The following C12orf42 variants were observed in gnomAD, a reference collection of about 807,000 sequenced individuals.
The protein encoded by C12orf42 is uncharacterized protein C12orf42.
A neutral mutation model predicts 21.6 loss-of-function variants in C12orf42; 25 were observed. That is an observed-to-expected ratio of 1.16 (90% CI 0.84 to 1.62). The LOEUF (loss-of-function observed/expected upper bound fraction) is 1.62, where lower values mean the gene tolerates loss of function less well. C12orf42 is among the 40% of genes most tolerant of loss of function. C12orf42 has a pLI of 0.00. For missense variants in C12orf42, 483 were observed against 459.3 expected (o/e 1.05, Z -0.47); for synonymous variants, 174 against 175.0 (o/e 0.99, Z 0.05).
intron 2 of C12orf42, among the ~76,000 whole-genome samples, chr12:103,417,801 G>A (rs1320966086): frequency 1.3e-5 from 2 of 152,202 alleles, no homozygotes; most frequent in Non-Finnish European, 2.9e-5. Flanking sequence ...GGACTGATGA[G>A]TGAGTGGATA....
intron 2 of C12orf42, among the ~76,000 whole-genome samples, chr12:103,435,128 C>T (rs569791607): frequency 0.059 from 8,973 of 152,204 alleles, 271 homozygotes; most frequent in Middle Eastern, 0.12. Context: ...GAGGCACCCC[C>T]CAGCAGAGGC....
the C12orf42 span, among the ~76,000 whole-genome samples, chr12:103,058,337 T>C: frequency 6.6e-6 from 1 of 152,204 alleles, no homozygotes; most frequent in Non-Finnish European, 1.5e-5. Context: ...TTTTTTCTTG[T>C]AAATTTGTTT....
At chr12:103,113,766 T>G in the C12orf42 span, among the ~76,000 whole-genome samples, 1 of 152,242 alleles carries the variant, frequency 6.6e-6, no homozygotes, top group African/African-American at 2.4e-5. Context: ...AATTCCCTTC[T>G]AAGTGGAAAT....
chr12:103,331,432 T>C (rs182764968), intron 4 of C12orf42, among the ~76,000 whole-genome samples: 1 of 152,344 alleles, frequency 6.6e-6, no homozygotes, highest in East Asian at 1.9e-4. Context: ...GAATTATTCA[T>C]TCATTTCTTC....
the C12orf42 span, among the ~76,000 whole-genome samples, chr12:103,061,561 T>A: frequency 6.6e-6 from 1 of 152,036 alleles, no homozygotes; most frequent in Non-Finnish European, 1.5e-5. Context: ...ACTATTTACT[T>A]GGTATGTATA....
chr12:103,093,595 A>C, the C12orf42 span, among the ~76,000 whole-genome samples: 18 of 152,126 alleles, frequency 1.2e-4, no homozygotes, highest in African/African-American at 4.1e-4. Context: ...AGAGGGAATT[A>C]GGTGGGCTCC....
At chr12:103,396,456 T>C (rs566695715) in intron 3 of C12orf42, 5 of 152,248 alleles carry the variant, frequency 3.3e-5, no homozygotes, top group African/African-American at 1.2e-4. Flanking sequence ...TATAGCAGTG[T>C]AGAAATTGAC....
chr12:103,072,996 C>T, the C12orf42 span, among the ~76,000 whole-genome samples: 1 of 152,024 alleles, frequency 6.6e-6, no homozygotes, highest in African/African-American at 2.4e-5. Flanking sequence ...ACTATCTAGC[C>T]ACAAAAAAAG....
At chr12:103,391,362 G>T (rs935882379) in intron 3 of C12orf42, among the ~76,000 whole-genome samples, 3 of 152,046 alleles carry the variant, frequency 2.0e-5, no homozygotes, top group Non-Finnish European at 4.4e-5. Context: ...ATTAACAACC[G>T]CTATACTATT....
chr12:103,270,459 G>A (rs1392128222), intron 5 of C12orf42, among the ~76,000 whole-genome samples: 1 of 151,880 alleles, frequency 6.6e-6, no homozygotes, highest in Non-Finnish European at 1.5e-5. Flanking sequence ...ATTTGATTTA[G>A]ATGATGTAGA....
chr12:103,051,553 C>G, the C12orf42 span, among the ~76,000 whole-genome samples: 1 of 152,150 alleles, frequency 6.6e-6, no homozygotes, highest in Non-Finnish European at 1.5e-5. Flanking sequence ...AAATATTCTT[C>G]TTTTAGGGAT....
At chr12:103,395,333 A>C (rs897380359) in intron 3 of C12orf42, among the ~76,000 whole-genome samples, 6 of 147,556 alleles carry the variant, frequency 4.1e-5, no homozygotes, top group African/African-American at 1.3e-4. Flanking sequence ...TAGACCCATT[A>C]TTCTTTTTTT....
chr12:103,141,611 C>A, the C12orf42 span, among the ~76,000 whole-genome samples: 13 of 150,196 alleles, frequency 8.7e-5, no homozygotes, highest in African/African-American at 3.2e-4. Context: ...CTCACTGCAA[C>A]CTCTGCCTCC....
At chr12:103,213,656 G>T in the C12orf42 span, among the ~76,000 whole-genome samples, 1 of 152,176 alleles carries the variant, frequency 6.6e-6, no homozygotes, top group Admixed American at 6.5e-5. Context: ...TTCTCGAGGA[G>T]ATTCAACACA....
the C12orf42 span, among the ~76,000 whole-genome samples, chr12:103,212,401 T>C: frequency 3.9e-5 from 6 of 152,320 alleles, no homozygotes; most frequent in East Asian, 1.2e-3. Context: ...TTAACGTTGT[T>C]GAAGAAACAG....
intron 3 of C12orf42, among the ~76,000 whole-genome samples, chr12:103,401,355 T>C (rs1023227987): frequency 6.6e-6 from 1 of 152,180 alleles, no homozygotes; most frequent in Non-Finnish European, 1.5e-5. Flanking sequence ...TGGACATCAG[T>C]GGATGATACA....
chr12:103,132,096 G>A, the C12orf42 span, among the ~76,000 whole-genome samples: 5 of 152,140 alleles, frequency 3.3e-5, no homozygotes, highest in African/African-American at 1.2e-4. Flanking sequence ...GCAGAATGGG[G>A]TGAATAGTAT....
chr12:103,375,174 C>A (rs911101967), intron 3 of C12orf42, among the ~76,000 whole-genome samples: 2 of 151,976 alleles, frequency 1.3e-5, no homozygotes. Context: ...TCTTGTAAGA[C>A]TTGAAAATTA....
the C12orf42 span, among the ~76,000 whole-genome samples, chr12:103,113,305 A>G: frequency 6.6e-6 from 1 of 152,174 alleles, no homozygotes; most frequent in Non-Finnish European, 1.5e-5. Context: ...ACTTCACTGA[A>G]ACAAACATGT....
Sources: gnomAD v4.1 joint callset for allele counts (sites outside exome capture counted in the v4.1 genomes callset) on GRCh38, gnomAD v4.1.1 for gene constraint, MANE v1.5 for transcripts, NCBI Gene and HGNC (gene_info 2026-07-23, HGNC 2026-07-21) for gene names.